The following RAI1 variants were observed in gnomAD, a reference collection of about 807,000 sequenced individuals.
RAI1 encodes retinoic acid induced 1.
RAI1 carries 9 observed loss-of-function variants against 123.8 expected under a neutral mutation model. That is an observed-to-expected ratio of 0.07 (90% CI 0.04 to 0.13). RAI1 has a LOEUF of 0.13. RAI1 is among the 10% of genes least tolerant of loss of function. RAI1 has a pLI of 1.00. For synonymous variants in RAI1, 1,231 were observed against 1,127.3 expected (o/e 1.09, Z -1.84); for missense variants, 2,256 against 2,545.8 (o/e 0.89, Z 2.45).
intron 2 of RAI1, among the ~76,000 whole-genome samples, chr17:17,756,977 G>A (rs942806989): frequency 6.6e-6 from 1 of 152,202 alleles, no homozygotes; most frequent in African/African-American, 2.4e-5. Context: ...GCCCTCTCGG[G>A]CAGCCCCCAG....
chr17:17,804,760 A>G (rs913285662), intron 4 of RAI1, among the ~76,000 whole-genome samples: 7 of 152,152 alleles, frequency 4.6e-5, no homozygotes, highest in Non-Finnish European at 8.8e-5. Context: ...CCTGGGCTCA[A>G]TCATCCTCCC....
rs530547391 is a variant in RAI1, at chr17:17,703,232, C to A, written c.-148-20796C>A. On this transcript the variant is annotated intron_variant, in intron 1 of 5. Coordinates refer to ENST00000353383, the MANE Select transcript of RAI1 (RefSeq NM_030665.4). The stretch of plus-strand genomic sequence containing the variant: ...GGGCTCACAGGAGGCTAGGGAGGAT[C>A]CAACTTCCTGTCCAGGTCAGGGTCA... 2.6e-5 allele frequency among the ~76,000 whole-genome samples: 4 copies of A among 152,312 alleles called. No individual in the cohort carries two copies. In the East Asian group the frequency reaches 7.7e-4, roughly 29 times the overall value.
At chr17:17,784,941 G>A (rs1446532355) in intron 2 of RAI1, among the ~76,000 whole-genome samples, 1 of 152,134 alleles carries the variant, frequency 6.6e-6, no homozygotes, top group Non-Finnish European at 1.5e-5. Context: ...TACATGGGGT[G>A]CCTTCATCCT....
chr17:17,787,758 G>A (rs928954351), intron 2 of RAI1, among the ~76,000 whole-genome samples: 1 of 152,216 alleles, frequency 6.6e-6, no homozygotes, highest in African/African-American at 2.4e-5. Context: ...TAGGGGACCT[G>A]GGCACCTAGG....
chr17:17,711,616 G>A (rs1264408904), intron 1 of RAI1, among the ~76,000 whole-genome samples: 1 of 152,214 alleles, frequency 6.6e-6, no homozygotes, highest in East Asian at 1.9e-4. Flanking sequence ...TTGGTACAAG[G>A]TGAGGCAAAC....
At chr17:17,686,608 T>TGTGTGTGCGC (rs1491248703) in intron 1 of RAI1, among the ~76,000 whole-genome samples, 21 of 137,850 alleles carry the variant, frequency 1.5e-4, no homozygotes, top group African/African-American at 5.8e-4. Context: ...TGTGTGTGTG[T>TGTGTGTGCGC]GCACGCGCGC....
chr17:17,765,919 C>G (rs2142993624), intron 2 of RAI1: 1 of 152,386 alleles, frequency 6.6e-6, no homozygotes, highest in East Asian at 1.9e-4. Flanking sequence ...GGCTCTGGTT[C>G]TAGAAGACAG....
intron 1 of RAI1, among the ~76,000 whole-genome samples, chr17:17,713,067 A>G (rs962770496): frequency 6.6e-6 from 1 of 152,160 alleles, no homozygotes; most frequent in Non-Finnish European, 1.5e-5. Flanking sequence ...ATTAGGTAGC[A>G]GTGATAGTTG....
chr17:17,739,192 T>G (rs1434499069), intron 2 of RAI1, among the ~76,000 whole-genome samples: 1 of 152,032 alleles, frequency 6.6e-6, no homozygotes, highest in African/African-American at 2.4e-5. Flanking sequence ...TTGAAAACCG[T>G]GGAGATAGGA....
Position 17,801,587 on chromosome 17 carries a change from C to T in RAI1, c.5566-2169C>T, listed in dbSNP as rs551732457. ...TCCCTTTTGGGTCAGGAACTGGGGA[C>T]GCTGGACTCCAGATCTCCAGGAGGC... On this transcript the variant is annotated intron_variant, in intron 3 of 5. Coordinates refer to ENST00000353383, the MANE Select transcript of RAI1 (RefSeq NM_030665.4). The surrounding 1 kb of genome is among the most constrained non-coding windows in gnomAD (Gnocchi z 4.1). Among the ~76,000 whole-genome samples, 11 of 152,296 alleles carry T rather than the reference C, an allele frequency of 7.2e-5. No individual in the cohort carries two copies. The highest frequency in any genetic ancestry group is 2.1e-4 in the South Asian group (1 of 4,828).
At chr17:17,790,921 C>A (rs2031990931) in intron 2 of RAI1, among the ~76,000 whole-genome samples, 1 of 152,236 alleles carries the variant, frequency 6.6e-6, no homozygotes, top group Non-Finnish European at 1.5e-5. Flanking sequence ...AGACCAGAAC[C>A]AAGTGCCGTC....
Position 17,796,651 on chromosome 17 carries a change from A to G in RAI1, c.3703A>G (p.Lys1235Glu). The G allele has an allele frequency of 6.2e-7, 1 of 1,612,008 alleles. No individual in the cohort carries two copies. Among genetic ancestry groups the G allele is most frequent in the South Asian group, 1.1e-5 (1 of 91,052 alleles). Residue 1235 changes from lysine (K) to glutamate (E), a missense_variant, in exon 3 of 6, where the codon AAG (lysine) becomes GAG (glutamate). Physicochemically the swap from Lys to Glu is moderately conservative, Grantham distance 56. Transcript: ENST00000353383. This position sits in a 1 kb window ranked among gnomAD's most constrained non-coding sequence, Gnocchi z 5.8. ...GGCCTTCATGGCGCCGGTCCCCACC[A>G]AGAAGCGGAACCTGGTCTTGCGGAG... ...KSAFMAPVPT[K>E]KRNLVLRSRS...
At chr17:17,683,006 T>G (rs1914495840) in intron 1 of RAI1, among the ~76,000 whole-genome samples, 1 of 152,118 alleles carries the variant, frequency 6.6e-6, no homozygotes, top group Non-Finnish European at 1.5e-5. Flanking sequence ...TCCCCGCGGT[T>G]TCGGCGGGCC....
chr17:17,746,833 C>G (rs1210386706), intron 2 of RAI1, among the ~76,000 whole-genome samples: 2 of 151,888 alleles, frequency 1.3e-5, no homozygotes, highest in Non-Finnish European at 2.9e-5. Context: ...AGGGGTTTCT[C>G]CATGTTGGTC....
chr17:17,787,354 T>C (rs980155615), intron 2 of RAI1, among the ~76,000 whole-genome samples: 9 of 152,224 alleles, frequency 5.9e-5, no homozygotes, highest in African/African-American at 2.2e-4. Flanking sequence ...GTTAACTGTC[T>C]GCGACCCAGC....
In RAI1 at chr17:17,714,114, C is replaced by T. The variant is rs191178232; in HGVS notation, c.-148-9914C>T. ...TCACCACCTCCCGAGCAGCTCCCTC[C>T]TTCCATTTCTGGGCAGCCCTGCCTG... On this transcript the variant is annotated intron_variant, in intron 1 of 5. Transcript: ENST00000353383. This position sits in a 1 kb window ranked among gnomAD's most constrained non-coding sequence, Gnocchi z 4.9. Among the ~76,000 whole-genome samples the T allele has an allele frequency of 1.7e-3, 266 of 152,266 alleles. No individual in the cohort carries two copies. Among genetic ancestry groups the T allele is most frequent in the Non-Finnish European group, 3.5e-3 (236 of 68,006 alleles).
At position 17,800,479 on chromosome 17, in the gene RAI1, G is replaced by T. The variant is rs2032424520; in HGVS notation, c.5565+1966G>T. On this transcript the variant is annotated intron_variant, in intron 3 of 5. Coordinates refer to ENST00000353383, the MANE Select transcript of RAI1 (RefSeq NM_030665.4). The surrounding 1 kb of genome is among the most constrained non-coding windows in gnomAD (Gnocchi z 4.7). ...GCAGCCAGCACTGGCCGGCCGAAGG[G>T]AGGAGGGGTCAGCCCCGAGCACCGA... Among the ~76,000 whole-genome samples the T allele has an allele frequency of 6.6e-6, 1 of 152,188 alleles. No individual in the cohort carries two copies. The highest frequency in any genetic ancestry group is 2.4e-5 in the African/African-American group (1 of 41,446).
At chr17:17,740,123 AGCCCTGT>A (rs1337060477) in intron 2 of RAI1, among the ~76,000 whole-genome samples, 4 of 152,212 alleles carry the variant, frequency 2.6e-5, no homozygotes, top group African/African-American at 9.6e-5. Flanking sequence ...GCATGGGGTA[AGCCCTGT>A]GCCTGGGACT....
chr17:17,704,538 A>G (rs187025170), intron 1 of RAI1, among the ~76,000 whole-genome samples: 1 of 152,246 alleles, frequency 6.6e-6, no homozygotes, highest in East Asian at 1.9e-4. Flanking sequence ...CCTGGCACAC[A>G]CAGACAGGAG....
Sources: allele counts gnomAD v4.1 joint callset (sites outside exome capture counted in the v4.1 genomes callset), GRCh38; gene constraint gnomAD v4.1.1; non-coding constraint Gnocchi (gnomAD v3.1); transcripts MANE v1.5; gene names NCBI Gene and HGNC (gene_info 2026-07-23, HGNC 2026-07-21).